MTURN: variants seen among roughly 807,000 people sequenced by gnomAD.
MTURN encodes the protein maturin, neural progenitor differentiation regulator homolog, also known as maturin.
Under a neutral mutation model 14.9 loss-of-function variants are expected in MTURN, and 7 were observed. That is an observed-to-expected ratio of 0.47 (90% CI 0.27 to 0.88). The LOEUF is 0.88. Among genes scored for constraint, MTURN ranks in the 40% least tolerant of loss-of-function variants. MTURN has a pLI of 0.14. For missense variants in MTURN, 151 were observed against 174.1 expected (o/e 0.87, Z 0.75); for synonymous variants, 69 against 72.5 (o/e 0.95, Z 0.25).
chr7:30,137,440 T>C, intron 1 of MTURN: 1 of 363,612 alleles, frequency 2.8e-6, no homozygotes, highest in Non-Finnish European at 5.5e-6. Context: ...TAAGAAGTAT[T>C]ATATTATTTG....
At chr7:30,137,818 C>T (rs1025369493) in intron 1 of MTURN, 2 of 367,858 alleles carry the variant, frequency 5.4e-6, no homozygotes, top group Non-Finnish European at 1.1e-5. Context: ...AGTTGAAGGA[C>T]TTAGCAATAA....
chr7:30,162,392 A>C lies in MTURN; in HGVS notation c.*4844A>C, dbSNP rs933992042. 2 of 152,330 alleles carry C rather than the reference A, an allele frequency of 1.3e-5. No homozygotes were observed. Among genetic ancestry groups the C allele is most frequent in the African/African-American group, 4.8e-5 (2 of 41,438 alleles). 9.4% of individuals were successfully genotyped at this position (152,330 alleles called of 1,614,324 possible). A position where few individuals can be genotyped will look rare whatever the true frequency, so the allele number is the denominator to read the frequency against. On this transcript the variant is annotated 3_prime_UTR_variant, in exon 3 of 3. Coordinates refer to ENST00000324453, the MANE Select transcript of MTURN (RefSeq NM_152793.3). ...TTCAATGCTAGGGCAGATCTTCACT[A>C]TCCGTGATCCAGTCTTAATTTGAGC...
chr7:30,141,698 T>G (rs1280581755), intron 1 of MTURN, among the ~76,000 whole-genome samples: 3 of 152,110 alleles, frequency 2.0e-5, no homozygotes, highest in Non-Finnish European at 4.4e-5. Flanking sequence ...ATTTTTCTTA[T>G]TTTTTGTGGA....
rs974542997 is a variant in MTURN at position 30,161,006 on chromosome 7, A to G, written c.*3458A>G. 6.5e-6 allele frequency: 1 copy of G among 152,678 alleles called. No individual in the cohort carries two copies. The highest frequency in any genetic ancestry group is 2.4e-5 in the African/African-American group (1 of 41,464). 9.5% of individuals were successfully genotyped at this position (152,678 alleles called of 1,614,324 possible). On this transcript the variant is annotated 3_prime_UTR_variant, in exon 3 of 3. Coordinates refer to ENST00000324453, the MANE Select transcript of MTURN (RefSeq NM_152793.3). ...ACCTCTCTCCTTTATAGTTGCTGTC[A>G]TCTTTCATGTATAAACAGAAACCGT...
intron 1 of MTURN, chr7:30,137,568 G>A: frequency 4.2e-6 from 2 of 470,746 alleles, no homozygotes; most frequent in South Asian, 1.5e-5. Context: ...GAAAGATAGA[G>A]GATGGGGGTG....
At chr7:30,137,764 T>A (rs1796988611) in intron 1 of MTURN, 2 of 444,918 alleles carry the variant, frequency 4.5e-6, no homozygotes, top group East Asian at 1.4e-4. Flanking sequence ...CTGGAAAATG[T>A]ATTAAGCATT....
intron 2 of MTURN, among the ~76,000 whole-genome samples, chr7:30,151,414 T>C (rs56377213): frequency 0.18 from 27,732 of 152,166 alleles, 2,648 homozygotes; most frequent in South Asian, 0.25. Flanking sequence ...AATGAAACAA[T>C]GGTTACGGAC....
chr7:30,151,069 A>C (rs1797204575), intron 2 of MTURN, among the ~76,000 whole-genome samples: 1 of 152,198 alleles, frequency 6.6e-6, no homozygotes, highest in African/African-American at 2.4e-5. Context: ...TGGGTAAATG[A>C]CTGTGGATGC....
At chr7:30,139,254 C>T (rs906262843) in intron 1 of MTURN, among the ~76,000 whole-genome samples, 3 of 152,214 alleles carry the variant, frequency 2.0e-5, no homozygotes, top group Non-Finnish European at 2.9e-5. Flanking sequence ...GTTCAGTTTA[C>T]TATGTAGCAG....
At chr7:30,136,465 C>T (rs1301705660) in intron 1 of MTURN, among the ~76,000 whole-genome samples, 4 of 152,154 alleles carry the variant, frequency 2.6e-5, no homozygotes, top group Non-Finnish European at 4.4e-5. Context: ...GTGCGGGGCG[C>T]GGCCTGGTGC....
intron 1 of MTURN, among the ~76,000 whole-genome samples, chr7:30,136,660 G>A (rs1796967625): frequency 6.6e-6 from 1 of 152,196 alleles, no homozygotes; most frequent in Non-Finnish European, 1.5e-5. Context: ...CACCCCCTGA[G>A]GAGGGCAGGG....
intron 2 of MTURN, among the ~76,000 whole-genome samples, chr7:30,150,395 T>G (rs1178491186): frequency 6.6e-6 from 1 of 152,180 alleles, no homozygotes; most frequent in African/African-American, 2.4e-5. Flanking sequence ...TTGGTTTTGG[T>G]AAAATTACAA....
At chr7:30,138,794 C>G (rs990590088) in intron 1 of MTURN, among the ~76,000 whole-genome samples, 6 of 152,230 alleles carry the variant, frequency 3.9e-5, no homozygotes, top group African/African-American at 1.4e-4. Context: ...CAAGCCCCCA[C>G]ATGATCTACC....
intron 2 of MTURN, among the ~76,000 whole-genome samples, chr7:30,152,615 G>T (rs1797229214): frequency 6.6e-6 from 1 of 152,146 alleles, no homozygotes; most frequent in Admixed American, 6.5e-5. Context: ...AAGCCACAGG[G>T]CACTTGCTCG....
intron 2 of MTURN, among the ~76,000 whole-genome samples, chr7:30,148,250 G>A (rs574809857): frequency 6.6e-6 from 1 of 152,202 alleles, no homozygotes; most frequent in Non-Finnish European, 1.5e-5. Context: ...AAATCTAGGG[G>A]AATAGCATTT....
intron 1 of MTURN, chr7:30,145,887 T>C (rs769939360): frequency 1.1e-5 from 17 of 1,551,522 alleles, no homozygotes; most frequent in South Asian, 4.8e-5. Flanking sequence ...GTGGAAATCA[T>C]TGGTGAGGAA....
chr7:30,146,119 A>C, intron 1 of MTURN, 58 bp from the exon 2 acceptor site: 1 of 1,607,332 alleles, frequency 6.2e-7, no homozygotes, highest in Non-Finnish European at 8.5e-7. Context: ...TGAACTTCAC[A>C]CTGAGTGTAG....
chr7:30,147,550 C>T (rs1001415088), intron 2 of MTURN, among the ~76,000 whole-genome samples: 1 of 152,164 alleles, frequency 6.6e-6, no homozygotes, highest in African/African-American at 2.4e-5. Flanking sequence ...GTTAGAGTAG[C>T]CTGAGAAAGC....
chr7:30,149,492 T>G (rs1282740370), intron 2 of MTURN, among the ~76,000 whole-genome samples: 3 of 152,080 alleles, frequency 2.0e-5, no homozygotes. Flanking sequence ...GCCTCAAGTT[T>G]CTCCCAGTCA....
Sources: gnomAD v4.1 joint callset for allele counts (sites outside exome capture counted in the v4.1 genomes callset) on GRCh38, gnomAD v4.1.1 for gene constraint, MANE v1.5 for transcripts, NCBI Gene and HGNC (gene_info 2026-07-23, HGNC 2026-07-21) for gene names.